ATF3: variants seen among roughly 807,000 people sequenced by gnomAD.
ATF3 encodes activating transcription factor 3, also known as cyclic AMP-dependent transcription factor ATF-3.
Under a neutral mutation model 18.4 loss-of-function variants are expected in ATF3, and 10 were observed. That is an observed-to-expected ratio of 0.54 (90% CI 0.34 to 0.92). ATF3 has a LOEUF of 0.92. ATF3 is among the 40% of genes least tolerant of loss of function. ATF3 has a pLI of 0.02. For synonymous variants in ATF3, 78 were observed against 87.9 expected, an observed-to-expected ratio of 0.89 and a Z score of 0.63; for missense variants, 183 against 222.3, an observed-to-expected ratio of 0.82 and a Z score of 1.12.
chr1:212,588,705 T>A (rs918409151), intron 1 of ATF3, among the ~76,000 whole-genome samples: 4 of 152,170 alleles, frequency 2.6e-5, no homozygotes, highest in Non-Finnish European at 4.4e-5. Context: ...TGAAGGCAAT[T>A]GCTTTCAATT....
At position 212,609,931 on chromosome 1, in the gene ATF3, A is replaced by G. The variant is rs535604263; in HGVS notation, c.-5+1001A>G. On this transcript the variant is annotated intron_variant, in intron 1 of 3. Transcript: ENST00000341491. ...GCACAATGCAGTGGTTGGACCAGAT[A>G]ACTACTAAGGTCCTTTCTGTCTGGA... 4.6e-5 allele frequency among the ~76,000 whole-genome samples: 7 copies of G among 152,316 alleles called. 1 individual carries two copies. In the South Asian group the frequency reaches 1.4e-3, roughly 32 times the overall value.
Position 212,619,828 on chromosome 1 carries a change from G to T in ATF3, c.*273G>T, listed in dbSNP as rs1315390756. On this transcript the variant is annotated 3_prime_UTR_variant, in exon 4 of 4. Transcript: ENST00000341491. The surrounding 1 kb of genome is among the most constrained non-coding windows in gnomAD (Gnocchi z 4.4). ...CTTATGTTCCAGATGGCCCCCAGCT[G>T]GTGTCCTGCCCGCCTTTCATCTGGA... 1.9e-5 allele frequency: 7 copies of T among 375,922 alleles called. No homozygotes were observed. Among genetic ancestry groups the T allele is most frequent in the Non-Finnish European group, 3.5e-5 (7 of 197,558 alleles). The allele number at this position is 375,922 out of a possible 1,614,324, so 23.3% of individuals were successfully genotyped here.
Position 212,619,255 on chromosome 1 carries a change from G to A in ATF3, c.349-103G>A, listed in dbSNP as rs1485178485. 102 of 1,610,600 alleles carry A rather than the reference G, an allele frequency of 6.3e-5. No homozygotes were observed. The highest frequency in any genetic ancestry group is 8.3e-5 in the Non-Finnish European group (98 of 1,179,480). ...TTCCTCTCGCAGCTTGATGAGCCCC[G>A]GTGTGTCCCAGGTACACCCCTGCAT... On this transcript the variant is annotated intron_variant, in intron 3 of 3. Transcript: ENST00000341491. The surrounding 1 kb of genome is among the most constrained non-coding windows in gnomAD (Gnocchi z 4.4).
At chr1:212,565,807 T>C (rs2102616608) in intron 1 of ATF3, among the ~76,000 whole-genome samples, 1 of 152,328 alleles carries the variant, frequency 6.6e-6, no homozygotes, top group South Asian at 2.1e-4. Context: ...CGATGCCATC[T>C]CGGTCTCATC....
intron 1 of ATF3, among the ~76,000 whole-genome samples, chr1:212,577,517 C>G (rs1051952138): frequency 6.6e-6 from 1 of 152,092 alleles, no homozygotes; most frequent in Non-Finnish European, 1.5e-5. Context: ...TTCCTTCTAA[C>G]TGAAATCTTA....
chr1:212,616,098 TGG>T (rs1223608430), intron 2 of ATF3, among the ~76,000 whole-genome samples: 14 of 151,162 alleles, frequency 9.3e-5, no homozygotes, highest in Non-Finnish European at 4.4e-5. Flanking sequence ...GGCACTGAGG[TGG>T]AAGTATTGGT....
upstream of ATF3, among the ~76,000 whole-genome samples, chr1:212,608,321 C>T (rs1312380237): frequency 6.7e-6 from 1 of 149,058 alleles, no homozygotes; most frequent in African/African-American, 2.5e-5. Context: ...GACCCGCCTC[C>T]CCACCTTCCC....
chr1:212,595,121 C>T (rs887261990), intron 1 of ATF3, among the ~76,000 whole-genome samples: 5 of 152,130 alleles, frequency 3.3e-5, no homozygotes, highest in Admixed American at 3.3e-4. Flanking sequence ...ATAGGATACC[C>T]ACTCCCAAGG....
rs1189453028 is a variant in ATF3 at position 212,618,584 on chromosome 1, C to G, written c.348+350C>G. ...TTTCCTGAGAAAAGGAAGCTGCCAGCTCTCATTTGGCTCACTATGAAAAGC... is the reference window on the plus strand; with the variant it reads ...TTTCCTGAGAAAAGGAAGCTGCCAGGTCTCATTTGGCTCACTATGAAAAGC... On this transcript the variant is annotated intron_variant, in intron 3 of 3. Transcript: ENST00000341491. This position sits in a 1 kb window ranked among gnomAD's most constrained non-coding sequence, Gnocchi z 4.4. 2 of 402,446 alleles carry G rather than the reference C, an allele frequency of 5.0e-6. No homozygotes were observed. The highest frequency in any genetic ancestry group is 9.2e-6 in the Non-Finnish European group (2 of 217,490). The allele number at this position is 402,446 out of a possible 1,614,324, so 24.9% of individuals were successfully genotyped here. A position where few individuals can be genotyped will look rare whatever the true frequency, so the allele number is the denominator to read the frequency against.
chr1:212,600,302 G>C (rs1160423843), intron 1 of ATF3, among the ~76,000 whole-genome samples: 1 of 152,232 alleles, frequency 6.6e-6, no homozygotes, highest in African/African-American at 2.4e-5. Context: ...CCTGGGGACA[G>C]AGTCCAAACT....
chr1:212,585,315 C>T (rs1359404056), intron 1 of ATF3, among the ~76,000 whole-genome samples: 7 of 152,290 alleles, frequency 4.6e-5, no homozygotes, highest in South Asian at 2.1e-4. Flanking sequence ...GCCTTGCCCC[C>T]GTGCCCAGTC....
At chr1:212,604,956 G>A (rs1451032528), upstream of ATF3, among the ~76,000 whole-genome samples, 1 of 152,084 alleles carries the variant, frequency 6.6e-6, no homozygotes, top group Admixed American at 6.5e-5. Flanking sequence ...TGTCTGCCTG[G>A]GCTCTCACTC....
chr1:212,618,453 T>A lies in ATF3; in HGVS notation c.348+219T>A. On this transcript the variant is annotated intron_variant, in intron 3 of 3. Coordinates refer to ENST00000341491, the MANE Select transcript of ATF3 (RefSeq NM_001674.4). The surrounding 1 kb of genome is among the most constrained non-coding windows in gnomAD (Gnocchi z 4.4). ...GGATGTATAAAAACAGGTGTGTGAA[T>A]TCGTCTGATGCCTGACTCCCAGCAG... 1 of 571,376 alleles carries A rather than the reference T, an allele frequency of 1.8e-6. No individual in the cohort carries two copies. Among genetic ancestry groups the A allele is most frequent in the Non-Finnish European group, 3.2e-6 (1 of 317,312 alleles). 35.4% of individuals were successfully genotyped at this position (571,376 alleles called of 1,614,324 possible). A position where few individuals can be genotyped will look rare whatever the true frequency, so the allele number is the denominator to read the frequency against.
chr1:212,609,378 G>GGC (rs1553304196), intron 1 of ATF3, among the ~76,000 whole-genome samples: 2 of 145,812 alleles, frequency 1.4e-5, no homozygotes, highest in South Asian at 2.2e-4. Flanking sequence ...TCCCGGGTGG[G>GGC]GGGGGGGGGG....
chr1:212,569,596 T>A (rs1413383898), intron 1 of ATF3, among the ~76,000 whole-genome samples: 1 of 152,112 alleles, frequency 6.6e-6, no homozygotes, highest in East Asian at 1.9e-4. Flanking sequence ...CCAGTAAATT[T>A]TTTTTTGGCT....
chr1:212,591,211 C>T (rs886077923), intron 1 of ATF3, among the ~76,000 whole-genome samples: 2 of 152,178 alleles, frequency 1.3e-5, no homozygotes, highest in Non-Finnish European at 2.9e-5. Context: ...TGTTAAGACC[C>T]ATCTTCCTAA....
At chr1:212,590,161 C>A (rs1394099563) in intron 1 of ATF3, among the ~76,000 whole-genome samples, 3 of 151,482 alleles carry the variant, frequency 2.0e-5, no homozygotes, top group Non-Finnish European at 4.4e-5. Context: ...AATATAGGAA[C>A]TGTGTCTACA....
Position 212,615,097 on chromosome 1 carries a change from C to T in ATF3, c.76C>T (p.Pro26Ser), listed in dbSNP as rs149910170. 1.3e-4 allele frequency: 204 copies of T among 1,614,176 alleles called. No homozygotes were observed. The African/African-American group carries it at 2.5e-3, about 19-fold the overall frequency. The change falls in exon 2 of 4, where the codon CCT becomes TCT. Residue 26 changes from proline to serine, a missense_variant. By Grantham distance (74) the Pro-to-Ser change is moderately conservative. Transcript: ENST00000341491. ...ASAIVPCLSP[P>S]GSLVFEDFAN... is the part of the protein sequence containing the mutation. Reference sequence around the variant, plus strand: ...TGCCATCGTCCCCTGCCTGTCCCCTCCTGGGTCACTGGTGTTTGAGGATTT... The same window carrying T: ...TGCCATCGTCCCCTGCCTGTCCCCTTCTGGGTCACTGGTGTTTGAGGATTT...
At position 212,588,469 on chromosome 1, in the gene ATF3, G is replaced by T. The variant is rs967296971; in HGVS notation, c.-5+22986G>T. On this transcript the variant is annotated intron_variant, in intron 1 of 3. Coordinates refer to the ATF3 transcript ENST00000366981. Reference sequence around the variant, plus strand: ...CAAAGAGCTTTGGAGTCTCTTTTTAGCGCCTCATGCCTATCAGATTGGGGC... The same window carrying T: ...CAAAGAGCTTTGGAGTCTCTTTTTATCGCCTCATGCCTATCAGATTGGGGC... Among the ~76,000 whole-genome samples, 4 of 152,018 alleles carry T rather than the reference G, an allele frequency of 2.6e-5. No individual in the cohort carries two copies. In the South Asian group the frequency reaches 8.3e-4, roughly 32 times the overall value.
Sources: allele counts gnomAD v4.1 joint callset (sites outside exome capture counted in the v4.1 genomes callset), GRCh38; gene constraint gnomAD v4.1.1; non-coding constraint Gnocchi (gnomAD v3.1); transcripts MANE v1.5; gene names NCBI Gene and HGNC (gene_info 2026-07-23, HGNC 2026-07-21).